The following STXBP5 variants were observed in gnomAD, a reference collection of about 807,000 sequenced individuals.
STXBP5 encodes syntaxin-binding protein 5.
STXBP5 carries 50 observed loss-of-function variants against 152.4 expected under a neutral mutation model. The observed-to-expected ratio is 0.33, with a 90% confidence interval of 0.26 to 0.42. STXBP5 has a LOEUF of 0.42. Ranked by LOEUF, STXBP5 falls within the 10% of genes least tolerant of loss-of-function variation. The probability of loss-of-function intolerance (pLI) is 1.00; values close to 1 mark genes in which losing one functional copy is unlikely to be tolerated. For synonymous variants in STXBP5, 492 were observed against 494.7 expected (o/e 0.99, Z 0.07); for missense variants, 1,167 against 1,388.6 (o/e 0.84, Z 2.54).
chr6:147,368,199 T>C (rs1785380859), intron 25 of STXBP5, among the ~76,000 whole-genome samples: 1 of 151,914 alleles, frequency 6.6e-6, no homozygotes, highest in African/African-American at 2.4e-5. Context: ...CAAGTTATTA[T>C]AAGAAAAGAA....
intron 19 of STXBP5, among the ~76,000 whole-genome samples, chr6:147,335,725 C>T (rs888402629): frequency 6.6e-5 from 10 of 151,882 alleles, no homozygotes; most frequent in African/African-American, 2.4e-4. Flanking sequence ...GCGTGAACCC[C>T]AGGGGGCGGA....
intron 25 of STXBP5, 92 bp downstream of exon 25, chr6:147,364,258 T>TA: frequency 8.5e-7 from 1 of 1,171,198 alleles, no homozygotes; most frequent in Non-Finnish European, 1.2e-6. Context: ...CATGGAACTA[T>TA]ACAAGTGAGC....
chr6:147,271,554 T>A (rs371208731), intron 7 of STXBP5, among the ~76,000 whole-genome samples: 11 of 152,034 alleles, frequency 7.2e-5, no homozygotes, highest in African/African-American at 2.7e-4. Context: ...AAATAACCCA[T>A]GAGTCAAAGA....
intron 9 of STXBP5, among the ~76,000 whole-genome samples, chr6:147,301,444 C>T (rs1781810288): frequency 6.6e-6 from 1 of 152,144 alleles, no homozygotes; most frequent in Non-Finnish European, 1.5e-5. Flanking sequence ...GTAAAGATCT[C>T]TTTGAGTCTA....
At chr6:147,323,065 C>T (rs1297140416) in intron 16 of STXBP5, among the ~76,000 whole-genome samples, 1 of 151,970 alleles carries the variant, frequency 6.6e-6, no homozygotes, top group Non-Finnish European at 1.5e-5. Context: ...CCCTCCCTCC[C>T]TTCCTTCTGT....
chr6:147,384,374 T>TA (rs1304468625), intron 27 of STXBP5, among the ~76,000 whole-genome samples: 4 of 151,922 alleles, frequency 2.6e-5, no homozygotes, highest in Non-Finnish European at 5.9e-5. Flanking sequence ...GCAGGAGGAG[T>TA]AGCATTTTCA....
At chr6:147,208,641 A>G (rs1341339239) in intron 2 of STXBP5, among the ~76,000 whole-genome samples, 1 of 152,156 alleles carries the variant, frequency 6.6e-6, no homozygotes, top group East Asian at 1.9e-4. Flanking sequence ...AGACTTCTAG[A>G]TAAAGTATTT....
chr6:147,248,603 C>T (rs965029708), intron 4 of STXBP5, among the ~76,000 whole-genome samples: 9 of 152,102 alleles, frequency 5.9e-5, no homozygotes, highest in African/African-American at 1.2e-4. Context: ...GCAGTCATTT[C>T]GGAAGTTTCT....
chr6:147,290,934 T>TA (rs151301275), intron 8 of STXBP5, among the ~76,000 whole-genome samples, 160 bp from the exon 9 acceptor site: 2,731 of 152,316 alleles, frequency 0.018, 71 homozygotes, highest in African/African-American at 0.061. Flanking sequence ...CTTGATCATT[T>TA]AAAAAATATC....
At chr6:147,343,390 A>G (rs972553643) in intron 21 of STXBP5, among the ~76,000 whole-genome samples, 5 of 152,140 alleles carry the variant, frequency 3.3e-5, no homozygotes, top group Admixed American at 6.5e-5. Context: ...AAGTGTTCCA[A>G]TATAACTAAA....
At chr6:147,369,784 A>G (rs1785458613) in intron 25 of STXBP5, among the ~76,000 whole-genome samples, 1 of 152,104 alleles carries the variant, frequency 6.6e-6, no homozygotes, top group African/African-American at 2.4e-5. Context: ...TACCATGCCA[A>G]GTTTTGGCAA....
intron 19 of STXBP5, among the ~76,000 whole-genome samples, chr6:147,338,064 T>A (rs1414075618): frequency 1.3e-5 from 2 of 152,098 alleles, no homozygotes; most frequent in Non-Finnish European, 2.9e-5. Context: ...CTGGGATATT[T>A]TTAAAGCAGA....
chr6:147,229,296 A>G (rs1388971568), intron 2 of STXBP5, among the ~76,000 whole-genome samples: 1 of 151,752 alleles, frequency 6.6e-6, no homozygotes, highest in Non-Finnish European at 1.5e-5. Context: ...CCTTTTTTTT[A>G]TTACCTATTC....
At chr6:147,282,036 C>T (rs1780726966) in intron 8 of STXBP5, among the ~76,000 whole-genome samples, 1 of 152,150 alleles carries the variant, frequency 6.6e-6, no homozygotes, top group Non-Finnish European at 1.5e-5. Context: ...GTGTGATAGG[C>T]ACTTTTCTTA....
rs1326933019 is a variant in STXBP5 at position 147,386,000 on chromosome 6, C to G, written c.*1245C>G. The stretch of plus-strand genomic sequence containing the variant: ...CCAAAAAGAAAGGAAAATATGTACA[C>G]TGTGATAACTAAATTATTTCTGTAT... On this transcript the variant is annotated 3_prime_UTR_variant, in exon 28 of 28. Transcript: ENST00000321680. 2 of 152,004 alleles carry G rather than the reference C, an allele frequency of 1.3e-5. No individual in the cohort carries two copies. Among genetic ancestry groups the G allele is most frequent in the South Asian group, 2.1e-4 (1 of 4,828 alleles). The allele number at this position is 152,004 out of a possible 1,614,324, so 9.4% of individuals were successfully genotyped here.
Position 147,233,839 on chromosome 6 carries a change from A to G in STXBP5, c.249-1411A>G, listed in dbSNP as rs549762749. Among the ~76,000 whole-genome samples the G allele has an allele frequency of 1.1e-4, 16 of 150,494 alleles. No individual in the cohort carries two copies. The East Asian group carries it at 2.5e-3, about 24-fold the overall frequency. ...TAGCAAAAATACTACTCCTACTACT[A>G]CTACTACTATTACTATTATGACTAC... is the stretch of plus-strand genomic sequence containing the variant. On this transcript the variant is annotated intron_variant, in intron 2 of 27. Transcript: ENST00000321680.
intron 8 of STXBP5, among the ~76,000 whole-genome samples, chr6:147,278,446 A>G (rs1248848160): frequency 6.6e-6 from 1 of 152,180 alleles, no homozygotes; most frequent in Non-Finnish European, 1.5e-5. Context: ...ATGTTATATT[A>G]TTTTCTGAAT....
chr6:147,238,674 TG>T (rs1293038488), intron 3 of STXBP5, among the ~76,000 whole-genome samples: 1 of 152,184 alleles, frequency 6.6e-6, no homozygotes, highest in Non-Finnish European at 1.5e-5. Flanking sequence ...CCTTCAGACA[TG>T]GAGGTTACAG....
chr6:147,311,474 T>C lies in STXBP5; in HGVS notation c.1092T>C (p.Ala364=), dbSNP rs1188947089. 2 of 1,612,262 alleles carry C rather than the reference T, an allele frequency of 1.2e-6. No homozygotes were observed. The highest frequency in any genetic ancestry group is 1.7e-4 in the Middle Eastern group (1 of 6,050). Residue 364 remains alanine (A), a synonymous_variant, in exon 11 of 28, where the codon GCT becomes GCC. Coordinates refer to ENST00000321680, the MANE Select transcript of STXBP5 (RefSeq NM_001127715.4). The stretch of plus-strand genomic sequence containing the variant: ...TTCCAGATTTTCAAGAACCATATGC[T>C]GTGGTTGTTCTTCTAGAAAAGGATT... ...PYPNDFQEPY[A]VVVLLEKDLV...
Sources: gnomAD v4.1 joint callset for allele counts (sites outside exome capture counted in the v4.1 genomes callset) on GRCh38, gnomAD v4.1.1 for gene constraint, MANE v1.5 for transcripts, NCBI Gene and HGNC (gene_info 2026-07-23, HGNC 2026-07-21) for gene names.